KLF17: variants seen among roughly 807,000 people sequenced by gnomAD.
The protein encoded by KLF17 is KLF transcription factor 17.
A neutral mutation model predicts 34.2 loss-of-function variants in KLF17; 31 were observed. That is an observed-to-expected ratio of 0.91 (90% CI 0.68 to 1.22). KLF17 has a LOEUF of 1.22. Among genes scored for constraint, KLF17 ranks in the 50% most tolerant of loss-of-function variants. KLF17 has a pLI of 0.00. For missense variants in KLF17, 478 were observed against 505.2 expected, an observed-to-expected ratio of 0.95 and a Z score of 0.52; for synonymous variants, 179 against 186.7, an observed-to-expected ratio of 0.96 and a Z score of 0.34.
At chr1:44,112,597 G>C in the KLF17 span, among the ~76,000 whole-genome samples, 1 of 151,918 alleles carries the variant, frequency 6.6e-6, no homozygotes, top group African/African-American at 2.4e-5. Flanking sequence ...TTGAAGAGAC[G>C]GGGTCTTGCT....
chr1:44,122,429 T>A lies in KLF17; in HGVS notation c.81+3441T>A. 5.5e-6 allele frequency: 8 copies of A among 1,442,584 alleles called. No homozygotes were observed. The South Asian group carries it at 9.1e-5, about 16-fold the overall frequency. 89.4% of individuals were successfully genotyped at this position (1,442,584 alleles called of 1,614,324 possible). On this transcript the variant is annotated intron_variant, in intron 1 of 3. Transcript: ENST00000372299. Reference sequence around the variant, plus strand: ...TCATGCTGACATCCACACCTGTGACTGTTCCATGGACCTGTGTTCTGTTCT... The same window carrying A: ...TCATGCTGACATCCACACCTGTGACAGTTCCATGGACCTGTGTTCTGTTCT...
the KLF17 span, among the ~76,000 whole-genome samples, chr1:44,053,999 G>A: frequency 6.6e-6 from 1 of 152,160 alleles, no homozygotes; most frequent in Non-Finnish European, 1.5e-5. Flanking sequence ...AGAAATCACA[G>A]GCTAATTTGT....
chr1:44,054,226 AGG>A, the KLF17 span, among the ~76,000 whole-genome samples: 1 of 152,134 alleles, frequency 6.6e-6, no homozygotes, highest in East Asian at 1.9e-4. Context: ...AAGCTACAAA[AGG>A]TAGCAATGGG....
At chr1:44,075,857 A>G in the KLF17 span, among the ~76,000 whole-genome samples, 2 of 152,210 alleles carry the variant, frequency 1.3e-5, no homozygotes, top group Non-Finnish European at 2.9e-5. Flanking sequence ...ATTTTTGTTT[A>G]TGTGATCTGG....
At chr1:44,071,131 C>T in the KLF17 span, among the ~76,000 whole-genome samples, 20 of 152,118 alleles carry the variant, frequency 1.3e-4, no homozygotes, top group African/African-American at 4.8e-4. Context: ...ATCCAATGGG[C>T]GTGTTTCATG....
the KLF17 span, among the ~76,000 whole-genome samples, chr1:44,074,365 C>T: frequency 6.6e-6 from 1 of 152,144 alleles, no homozygotes; most frequent in Non-Finnish European, 1.5e-5. Flanking sequence ...CCTTTTGATG[C>T]CACCATTGTG....
chr1:44,122,321 G>A, intron 1 of KLF17: 1 of 1,600,620 alleles, frequency 6.2e-7, no homozygotes, highest in Non-Finnish European at 8.6e-7. Flanking sequence ...AATACCGAAT[G>A]TTATTTCCTC....
At chr1:44,075,255 C>G in the KLF17 span, among the ~76,000 whole-genome samples, 1 of 152,190 alleles carries the variant, frequency 6.6e-6, no homozygotes, top group Non-Finnish European at 1.5e-5. Context: ...ACCAACACAA[C>G]AGCATAACAG....
chr1:44,065,196 G>C, the KLF17 span, among the ~76,000 whole-genome samples: 1 of 151,746 alleles, frequency 6.6e-6, no homozygotes, highest in Non-Finnish European at 1.5e-5. Flanking sequence ...GCTGAGGCAG[G>C]AGAATCACTT....
chr1:44,095,152 C>A, the KLF17 span, among the ~76,000 whole-genome samples: 4 of 150,938 alleles, frequency 2.7e-5, no homozygotes, highest in Non-Finnish European at 4.4e-5. Flanking sequence ...CCGCCCGCCT[C>A]GGCCTCCCAA....
the KLF17 span, among the ~76,000 whole-genome samples, chr1:44,108,660 C>CTTTTTT: frequency 0.029 from 2,146 of 75,274 alleles, 219 homozygotes; most frequent in Non-Finnish European, 0.04. Flanking sequence ...TTTGTTAGCT[C>CTTTTTT]TTTTTTTTTT....
At chr1:44,058,167 C>A in the KLF17 span, among the ~76,000 whole-genome samples, 1 of 152,344 alleles carries the variant, frequency 6.6e-6, no homozygotes, top group South Asian at 2.1e-4. Context: ...ATCTTCACCC[C>A]TCCTGGAGAC....
chr1:44,068,595 G>A, the KLF17 span, among the ~76,000 whole-genome samples: 1 of 152,190 alleles, frequency 6.6e-6, no homozygotes, highest in Non-Finnish European at 1.5e-5. Context: ...TGATTCATTA[G>A]GTGGTGGGCA....
the KLF17 span, chr1:44,076,623 A>G: frequency 6.6e-6 from 1 of 152,110 alleles, no homozygotes; most frequent in Non-Finnish European, 1.5e-5. Context: ...TTTCCTGATT[A>G]TGAATGGGGT....
the KLF17 span, chr1:44,103,595 C>T: frequency 6.2e-7 from 1 of 1,601,120 alleles, no homozygotes; most frequent in Admixed American, 1.7e-5. Flanking sequence ...CTAGCAGCTT[C>T]CTGTAGGTGG....
chr1:44,118,301 C>T (rs2087902491), upstream of KLF17, among the ~76,000 whole-genome samples: 1 of 152,232 alleles, frequency 6.6e-6, no homozygotes, highest in Non-Finnish European at 1.5e-5. Context: ...CCAACACACA[C>T]GGGGCACTCA....
chr1:44,062,702 C>A, the KLF17 span, among the ~76,000 whole-genome samples: 101 of 132,754 alleles, frequency 7.6e-4, no homozygotes, highest in African/African-American at 2.8e-3. Flanking sequence ...AGTGACAGAG[C>A]AAGAACCTGT....
chr1:44,122,000 G>A (rs1348322657), intron 1 of KLF17, among the ~76,000 whole-genome samples: 1 of 151,958 alleles, frequency 6.6e-6, no homozygotes, highest in Non-Finnish European at 1.5e-5. Context: ...ATTTCCTTAG[G>A]GATGGCAAAA....
At chr1:44,058,989 C>A in the KLF17 span, among the ~76,000 whole-genome samples, 2 of 152,074 alleles carry the variant, frequency 1.3e-5, no homozygotes, top group Non-Finnish European at 2.9e-5. Context: ...AAGAATCCGC[C>A]AATGATCAAT....
Sources: allele counts gnomAD v4.1 joint callset (sites outside exome capture counted in the v4.1 genomes callset), GRCh38; gene constraint gnomAD v4.1.1; transcripts MANE v1.5; gene names NCBI Gene and HGNC (gene_info 2026-07-23, HGNC 2026-07-21).